XKR9: variants seen among roughly 807,000 people sequenced by gnomAD.
The protein encoded by XKR9 is XK related 9.
XKR9 carries 32 observed loss-of-function variants against 32.0 expected under a neutral mutation model. The ratio of observed to expected loss-of-function variants is 1.00; its 90% CI spans 0.76 to 1.34. The LOEUF (loss-of-function observed/expected upper bound fraction) is 1.34. Among genes scored for constraint, XKR9 ranks in the 40% most tolerant of loss-of-function variants. The pLI, the probability that XKR9 is intolerant of heterozygous loss-of-function variation, is 0.00. For synonymous variants in XKR9, 168 were observed against 143.4 expected, an observed-to-expected ratio of 1.17 and a Z score of -1.22; for missense variants, 546 against 429.7, an observed-to-expected ratio of 1.27 and a Z score of -2.39.
chr8:70,889,001 T>C, the XKR9 span, among the ~76,000 whole-genome samples: 1 of 151,980 alleles, frequency 6.6e-6, no homozygotes. Context: ...TTATTGGTAT[T>C]TGCATAGGTA....
downstream of XKR9, among the ~76,000 whole-genome samples, chr8:70,739,160 G>T (rs971708598): frequency 2.0e-5 from 3 of 151,916 alleles, no homozygotes; most frequent in African/African-American, 7.3e-5. Context: ...TCCTGTATTG[G>T]GTGTATATAT....
chr8:70,986,892 C>T, the XKR9 span, among the ~76,000 whole-genome samples: 1 of 152,154 alleles, frequency 6.6e-6, no homozygotes, highest in African/African-American at 2.4e-5. Flanking sequence ...TTCCACGTGG[C>T]TGTGGAAGCT....
chr8:70,970,757 A>G, the XKR9 span, among the ~76,000 whole-genome samples: 15 of 152,188 alleles, frequency 9.9e-5, no homozygotes, highest in African/African-American at 3.4e-4. Context: ...GCTATTGTGA[A>G]TAGTTAACGC....
At chr8:70,964,759 T>C in the XKR9 span, among the ~76,000 whole-genome samples, 1 of 152,046 alleles carries the variant, frequency 6.6e-6, no homozygotes, top group Non-Finnish European at 1.5e-5. Context: ...TTGCCTGTTT[T>C]TGGTGTAGAG....
intron 2 of XKR9, among the ~76,000 whole-genome samples, chr8:70,749,658 G>C (rs930088410): frequency 6.8e-6 from 1 of 147,334 alleles, no homozygotes; most frequent in Non-Finnish European, 1.5e-5. Flanking sequence ...ACCCTTGGCA[G>C]GCATGGGATC....
chr8:71,025,889 C>T, the XKR9 span, among the ~76,000 whole-genome samples: 1 of 152,136 alleles, frequency 6.6e-6, no homozygotes, highest in African/African-American at 2.4e-5. Context: ...CAACCCGGCC[C>T]TCATGTTCAT....
the XKR9 span, among the ~76,000 whole-genome samples, chr8:70,980,023 C>T: frequency 2.0e-5 from 3 of 152,236 alleles, no homozygotes; most frequent in East Asian, 1.9e-4. Context: ...GAGACTGCTG[C>T]GCTAGCAGTG....
At chr8:70,795,084 A>C (rs1301610793), downstream of XKR9, among the ~76,000 whole-genome samples, 1 of 151,916 alleles carries the variant, frequency 6.6e-6, no homozygotes, top group African/African-American at 2.4e-5. Context: ...TACTGGTATT[A>C]AGCTTAGTAC....
At chr8:70,754,981 A>T (rs2130192623) in intron 2 of XKR9, among the ~76,000 whole-genome samples, 1 of 152,110 alleles carries the variant, frequency 6.6e-6, no homozygotes, top group East Asian at 1.9e-4. Flanking sequence ...CAGGCAACCT[A>T]CAAAATGGGA....
the XKR9 span, among the ~76,000 whole-genome samples, chr8:70,837,691 AG>A: frequency 6.6e-6 from 1 of 152,088 alleles, no homozygotes; most frequent in African/African-American, 2.4e-5. Flanking sequence ...CCTGGTTTGG[AG>A]GCAGCAAGAA....
chr8:70,687,106 C>A (rs897015589), intron 3 of XKR9, among the ~76,000 whole-genome samples: 1 of 152,136 alleles, frequency 6.6e-6, no homozygotes, highest in African/African-American at 2.4e-5. Flanking sequence ...CTGCCTTACT[C>A]CCTGCTACGC....
At chr8:70,725,933 A>G (rs1244235048) in intron 4 of XKR9, among the ~76,000 whole-genome samples, 1 of 152,080 alleles carries the variant, frequency 6.6e-6, no homozygotes, top group Non-Finnish European at 1.5e-5. Context: ...AACAAAAACA[A>G]CAACAAAAAG....
At chr8:70,840,947 G>T in the XKR9 span, among the ~76,000 whole-genome samples, 1 of 152,128 alleles carries the variant, frequency 6.6e-6, no homozygotes, top group Non-Finnish European at 1.5e-5. Context: ...TCTTATGAAA[G>T]TAAAAATTTT....
intron 4 of XKR9, among the ~76,000 whole-genome samples, chr8:70,727,123 T>A (rs1008845781): frequency 2.0e-5 from 3 of 152,188 alleles, no homozygotes; most frequent in Non-Finnish European, 4.4e-5. Context: ...TTTATAGAAA[T>A]GTCTTGATCT....
the XKR9 span, among the ~76,000 whole-genome samples, chr8:70,854,961 C>T: frequency 2.0e-5 from 3 of 152,226 alleles, no homozygotes; most frequent in African/African-American, 7.2e-5. Flanking sequence ...AGCATGATGC[C>T]TCCAGCTTTG....
At chr8:70,822,550 A>G in the XKR9 span, among the ~76,000 whole-genome samples, 1 of 150,688 alleles carries the variant, frequency 6.6e-6, no homozygotes, top group East Asian at 1.9e-4. Flanking sequence ...ATATGTTTAT[A>G]ATAATATAAT....
chr8:70,820,958 TC>T, the XKR9 span, among the ~76,000 whole-genome samples: 2 of 152,110 alleles, frequency 1.3e-5, no homozygotes, highest in Non-Finnish European at 2.9e-5. Flanking sequence ...TTAAAACCAA[TC>T]GTGCATTCCC....
At position 70,778,517 on chromosome 8, in the gene XKR9, G is replaced by T. The variant is rs1807565051; in HGVS notation, n.353-10822G>T. Among the ~76,000 whole-genome samples the T allele has an allele frequency of 5.9e-5, 9 of 152,300 alleles. No homozygotes were observed. In the South Asian group the frequency reaches 1.9e-3, roughly 32 times the overall value. On this transcript the variant is annotated intron_variant and non_coding_transcript_variant, in intron 2 of 3. Coordinates refer to the XKR9 transcript ENST00000520273. The stretch of plus-strand genomic sequence containing the variant: ...GTGGTAGCTTGATGGCAATAGCATT[G>T]AATCTATAAATTACTTTGGGCAGTA...
chr8:70,744,134 A>G (rs1347346640), intron 2 of XKR9, among the ~76,000 whole-genome samples: 2 of 151,848 alleles, frequency 1.3e-5, no homozygotes, highest in African/African-American at 4.8e-5. Context: ...AACATGATGA[A>G]ACCCCATCTC....
Sources: gnomAD v4.1 joint callset for allele counts (sites outside exome capture counted in the v4.1 genomes callset) on GRCh38, gnomAD v4.1.1 for gene constraint, MANE v1.5 for transcripts, NCBI Gene and HGNC (gene_info 2026-07-23, HGNC 2026-07-21) for gene names.